CNTNAP5: variants seen among roughly 807,000 people sequenced by gnomAD.
CNTNAP5 encodes contactin associated protein family member 5, also known as contactin-associated protein-like 5.
Under a neutral mutation model 150.2 loss-of-function variants are expected in CNTNAP5, and 72 were observed. The observed-to-expected ratio is 0.48, with a 90% CI of 0.40 to 0.58. The LOEUF (loss-of-function observed/expected upper bound fraction) is 0.58. Among genes scored for constraint, CNTNAP5 ranks in the 20% least tolerant of loss-of-function variants. The pLI is 0.00. For missense variants in CNTNAP5, 1,636 were observed against 1,626.2 expected, an observed-to-expected ratio of 1.01 and a Z score of -0.10; for synonymous variants, 672 against 619.8, an observed-to-expected ratio of 1.08 and a Z score of -1.25.
At chr2:124,455,541 A>G (rs1342076457) in intron 6 of CNTNAP5, among the ~76,000 whole-genome samples, 1 of 152,160 alleles carries the variant, frequency 6.6e-6, no homozygotes, top group Non-Finnish European at 1.5e-5. Flanking sequence ...ATAGAGAAAG[A>G]GAGAACCCTC....
intron 6 of CNTNAP5, among the ~76,000 whole-genome samples, chr2:124,459,161 GGTCAGCCC>G (rs1693190148): frequency 6.6e-6 from 1 of 152,102 alleles, no homozygotes; most frequent in Non-Finnish European, 1.5e-5. Flanking sequence ...TAAAAATTGC[GGTCAGCCC>G]TGCATGGGAA....
At position 124,586,062 on chromosome 2, in the gene CNTNAP5, C is replaced by G. The variant is rs373765174; in HGVS notation, c.1756+22739C>G. 2.4e-4 allele frequency among the ~76,000 whole-genome samples: 37 copies of G among 152,164 alleles called. No homozygotes were observed. The East Asian group carries it at 3.7e-3, about 15-fold the overall frequency. ...AGAAAGAGGACTGGAGAAGGTGGGT[C>G]TGGAATAAGCCTCAGGCAACTTCCT... On this transcript the variant is annotated intron_variant, in intron 11 of 23. Coordinates refer to ENST00000682447, the MANE Select transcript of CNTNAP5 (RefSeq NM_001367498.1).
chr2:124,827,063 G>A (rs997370441), intron 19 of CNTNAP5, among the ~76,000 whole-genome samples: 2 of 152,086 alleles, frequency 1.3e-5, no homozygotes, highest in South Asian at 4.2e-4. Flanking sequence ...TAGGGCCACA[G>A]GCCTGCAACA....
At chr2:124,633,491 C>A (rs1207731138) in intron 12 of CNTNAP5, among the ~76,000 whole-genome samples, 1 of 152,248 alleles carries the variant, frequency 6.6e-6, no homozygotes, top group East Asian at 1.9e-4. Context: ...GCTCCCAAGG[C>A]TTTGGGAAGC....
At chr2:124,768,271 A>ATTTGTG (rs1174137589) in intron 16 of CNTNAP5, among the ~76,000 whole-genome samples, 1 of 131,222 alleles carries the variant, frequency 7.6e-6, no homozygotes, top group African/African-American at 2.7e-5. Flanking sequence ...TACTGTATGT[A>ATTTGTG]TGTGTGTGTG....
chr2:124,672,392 G>T (rs575499243), intron 13 of CNTNAP5, among the ~76,000 whole-genome samples: 2 of 152,148 alleles, frequency 1.3e-5, no homozygotes, highest in Non-Finnish European at 1.5e-5. Context: ...GAAAAAATAT[G>T]CAGGAGGAAA....
intron 19 of CNTNAP5, among the ~76,000 whole-genome samples, chr2:124,802,060 G>A (rs776595368): frequency 2.7e-4 from 41 of 152,120 alleles, no homozygotes; most frequent in Non-Finnish European, 4.9e-4. Flanking sequence ...AATTATAAGA[G>A]GGCCACTCTT....
Position 124,477,422 on chromosome 2 carries a change from G to A in CNTNAP5, c.1062+2540G>A, listed in dbSNP as rs547839398. Among the ~76,000 whole-genome samples, 61 of 152,178 alleles carry A rather than the reference G, an allele frequency of 4.0e-4. No homozygotes were observed. The Middle Eastern group carries it at 0.014, about 34-fold the overall frequency. The stretch of plus-strand genomic sequence containing the variant: ...GGATGCTCATGGGGAATCACACTTG[G>A]ATTAAAGATTGTCAGCATTTTAAAA... On this transcript the variant is annotated intron_variant, in intron 7 of 23. Transcript: ENST00000682447.
intron 13 of CNTNAP5, among the ~76,000 whole-genome samples, chr2:124,718,870 G>A (rs1208098931): frequency 1.3e-5 from 2 of 151,870 alleles, no homozygotes; most frequent in Admixed American, 6.6e-5. Context: ...TCTTGAACCT[G>A]GGAGGCAGTG....
At chr2:124,661,247 AAC>A (rs1357077695) in intron 13 of CNTNAP5, among the ~76,000 whole-genome samples, 2 of 152,180 alleles carry the variant, frequency 1.3e-5, no homozygotes, top group Non-Finnish European at 2.9e-5. Context: ...CTTTTATAAT[AAC>A]ACAACTGAAA....
intron 1 of CNTNAP5, among the ~76,000 whole-genome samples, chr2:124,031,518 G>A (rs1681048966): frequency 1.3e-5 from 2 of 152,194 alleles, no homozygotes; most frequent in African/African-American, 4.8e-5. Context: ...CAGATCACCT[G>A]ATTGGATGCG....
At chr2:124,772,286 G>A (rs1477895426) in intron 16 of CNTNAP5, among the ~76,000 whole-genome samples, 3 of 152,182 alleles carry the variant, frequency 2.0e-5, no homozygotes, top group Admixed American at 6.6e-5. Flanking sequence ...TGCAGGTACC[G>A]CCACCTGCAG....
Position 124,597,268 on chromosome 2 carries a change from C to T in CNTNAP5, c.1757-12533C>T, listed in dbSNP as rs1573485001. Among the ~76,000 whole-genome samples, 39 of 150,530 alleles carry T rather than the reference C, an allele frequency of 2.6e-4. 2 individuals carry two copies. In the South Asian group the frequency reaches 8.3e-3, roughly 32 times the overall value. On this transcript the variant is annotated intron_variant, in intron 11 of 23. Coordinates refer to ENST00000682447, the MANE Select transcript of CNTNAP5 (RefSeq NM_001367498.1). ...GTCTTTACATTTTGGCATGATTTTGCAGCGGCTGGTACCGGTTGTTCCTTT... is the reference window on the plus strand; with the variant it reads ...GTCTTTACATTTTGGCATGATTTTGTAGCGGCTGGTACCGGTTGTTCCTTT...
At chr2:124,875,760 G>A (rs1677848393) in intron 21 of CNTNAP5, among the ~76,000 whole-genome samples, 1 of 141,928 alleles carries the variant, frequency 7.0e-6, no homozygotes, top group South Asian at 2.3e-4. Context: ...GACTGTAAGT[G>A]TAACTTCCAG....
intron 3 of CNTNAP5, among the ~76,000 whole-genome samples, chr2:124,281,989 C>T (rs1444914594): frequency 4.6e-5 from 7 of 152,174 alleles, no homozygotes; most frequent in Non-Finnish European, 1.0e-4. Flanking sequence ...ACCACCCTCC[C>T]TGTCCTTTCC....
chr2:124,408,175 C>T (rs573473941), intron 3 of CNTNAP5, among the ~76,000 whole-genome samples: 2 of 152,208 alleles, frequency 1.3e-5, no homozygotes, highest in Non-Finnish European at 2.9e-5. Context: ...GCTTTTCCGA[C>T]GGGCTTAAAA....
At chr2:124,624,222 G>A (rs559243103) in intron 12 of CNTNAP5, among the ~76,000 whole-genome samples, 32 of 152,214 alleles carry the variant, frequency 2.1e-4, no homozygotes, top group Non-Finnish European at 1.6e-4. Flanking sequence ...TGAAATTAAA[G>A]CATTGTCACC....
intron 1 of CNTNAP5, among the ~76,000 whole-genome samples, chr2:124,055,595 G>C (rs1284353430): frequency 6.6e-6 from 1 of 151,536 alleles, no homozygotes; most frequent in Non-Finnish European, 1.5e-5. Context: ...GTGGCTGTCA[G>C]TTGCTGAGAG....
intron 10 of CNTNAP5, among the ~76,000 whole-genome samples, chr2:124,552,672 T>C (rs1566808): frequency 0.41 from 61,825 of 152,068 alleles, 12,868 homozygotes; most frequent in East Asian, 0.62. Flanking sequence ...TGTATATATG[T>C]GTGTGTATTT....
Sources: gnomAD v4.1 joint callset for allele counts (sites outside exome capture counted in the v4.1 genomes callset) on GRCh38, gnomAD v4.1.1 for gene constraint, MANE v1.5 for transcripts, NCBI Gene and HGNC (gene_info 2026-07-23, HGNC 2026-07-21) for gene names.